Variants in TAF4B observed in about 807,000 individuals in gnomAD.
TAF4B encodes the protein transcription initiation factor TFIID subunit 4B.
Under a neutral mutation model 86.4 loss-of-function variants are expected in TAF4B, and 38 were observed. The ratio of observed to expected loss-of-function variants is 0.44; its 90% CI spans 0.34 to 0.58. The LOEUF is 0.58. TAF4B is among the 20% of genes least tolerant of loss of function. The pLI is 0.02. For synonymous variants in TAF4B, 388 were observed against 391.2 expected, an observed-to-expected ratio of 0.99 and a Z score of 0.10; for missense variants, 988 against 1,027.6, an observed-to-expected ratio of 0.96 and a Z score of 0.53.
At chr18:26,229,225 T>G (rs1028962338) in intron 1 of TAF4B, among the ~76,000 whole-genome samples, 4 of 152,152 alleles carry the variant, frequency 2.6e-5, no homozygotes, top group Admixed American at 6.5e-5. Flanking sequence ...TATTAAAACA[T>G]TGCATGCTAT....
intron 9 of TAF4B, among the ~76,000 whole-genome samples, chr18:26,296,091 A>G (rs1337203619): frequency 2.8e-5 from 4 of 145,386 alleles, no homozygotes; most frequent in African/African-American, 1.0e-4. Context: ...CCCTTTTTTT[A>G]CCCTTTATTT....
intron 9 of TAF4B, among the ~76,000 whole-genome samples, chr18:26,300,464 G>A (rs1262418983): frequency 1.0e-5 from 1 of 98,370 alleles, no homozygotes; most frequent in African/African-American, 3.0e-5. Context: ...ATTATAGGGT[G>A]TGTTTTTTTT....
chr18:26,336,364 C>T (rs566322417), intron 13 of TAF4B, among the ~76,000 whole-genome samples: 15 of 152,148 alleles, frequency 9.9e-5, no homozygotes, highest in Admixed American at 6.5e-4. Flanking sequence ...TATTTATGAA[C>T]GTTTTAAAGG....
intron 14 of TAF4B, among the ~76,000 whole-genome samples, chr18:26,387,725 C>G (rs1299774036): frequency 6.6e-6 from 1 of 152,128 alleles, no homozygotes; most frequent in African/African-American, 2.4e-5. Flanking sequence ...GCAGCTGAGA[C>G]CAATTTTTTT....
intron 14 of TAF4B, among the ~76,000 whole-genome samples, chr18:26,374,634 C>A (rs900592297): frequency 8.5e-5 from 13 of 152,126 alleles, no homozygotes; most frequent in African/African-American, 1.9e-4. Flanking sequence ...AACTGTATTA[C>A]CTTTTCATAG....
intron 9 of TAF4B, among the ~76,000 whole-genome samples, chr18:26,298,209 T>C (rs2056688137): frequency 6.6e-6 from 1 of 151,960 alleles, no homozygotes; most frequent in Non-Finnish European, 1.5e-5. Context: ...ACTGTTTTTG[T>C]TGTAATTAAT....
Position 26,273,359 on chromosome 18 carries a change from C to G in TAF4B, c.598-1304C>G, listed in dbSNP as rs140976726. Among the ~76,000 whole-genome samples, 306 of 152,024 alleles carry G rather than the reference C, an allele frequency of 2.0e-3. 1 individual carries two copies. The highest frequency in any genetic ancestry group is 7.2e-3 in the African/African-American group (297 of 41,448). On this transcript the variant is annotated intron_variant, in intron 3 of 14. Coordinates refer to ENST00000269142, the MANE Select transcript of TAF4B (RefSeq NM_005640.3). ...TATGGTATTTAATATTTTTATTATG[C>G]ATTATGAAATATACATGCAAACAAG... is the stretch of plus-strand genomic sequence containing the variant.
At chr18:26,276,730 T>G (rs1458654252) in intron 5 of TAF4B, among the ~76,000 whole-genome samples, 1 of 152,190 alleles carries the variant, frequency 6.6e-6, no homozygotes, top group East Asian at 1.9e-4. Context: ...ATTGAGCTTT[T>G]GATCTTCCCT....
chr18:26,346,873 A>ATATATGTGTGTG (rs1555623695), intron 13 of TAF4B, among the ~76,000 whole-genome samples: 14 of 12,298 alleles, frequency 1.1e-3, no homozygotes, highest in Admixed American at 2.1e-3. Context: ...ATATATATAT[A>ATATATGTGTGTG]TGTGTATATA....
rs118106282 is a variant in TAF4B at position 26,345,126 on chromosome 18, C to T, written c.2316+9895C>T. Among the ~76,000 whole-genome samples, 9 of 152,306 alleles carry T rather than the reference C, an allele frequency of 5.9e-5. No homozygotes were observed. In the East Asian group the frequency reaches 7.7e-4, roughly 13 times the overall value. On this transcript the variant is annotated intron_variant, in intron 13 of 14. Coordinates refer to ENST00000269142, the MANE Select transcript of TAF4B (RefSeq NM_005640.3). ...ACACCAAGATATGCCTGCTTGTACA[C>T]AGCCCTCCAGTGTCCTACCCCCTAC... is the stretch of plus-strand genomic sequence containing the variant.
intron 14 of TAF4B, among the ~76,000 whole-genome samples, chr18:26,363,009 G>C (rs2057342667): frequency 6.6e-6 from 1 of 152,082 alleles, no homozygotes; most frequent in Admixed American, 6.6e-5. Flanking sequence ...AAGTATACAG[G>C]AAGATATGCG....
At chr18:26,340,513 A>T (rs1433052856) in intron 13 of TAF4B, among the ~76,000 whole-genome samples, 2 of 152,194 alleles carry the variant, frequency 1.3e-5, no homozygotes, top group Non-Finnish European at 2.9e-5. Context: ...AGAGAAACAG[A>T]TTGAAAGGTT....
At chr18:26,306,176 T>C (rs1160721944) in intron 9 of TAF4B, among the ~76,000 whole-genome samples, 4 of 152,244 alleles carry the variant, frequency 2.6e-5, no homozygotes, top group African/African-American at 9.6e-5. Flanking sequence ...TTTTCTTTAA[T>C]GTTTTTAATG....
intron 9 of TAF4B, among the ~76,000 whole-genome samples, chr18:26,313,251 A>G (rs1269262333): frequency 1.3e-5 from 2 of 152,192 alleles, no homozygotes; most frequent in African/African-American, 2.4e-5. Flanking sequence ...TTTTGCAGTC[A>G]TCTGACTTTT....
intron 9 of TAF4B, among the ~76,000 whole-genome samples, chr18:26,306,608 A>T (rs2056797185): frequency 6.6e-6 from 1 of 152,138 alleles, no homozygotes; most frequent in Non-Finnish European, 1.5e-5. Flanking sequence ...TTATAATCTC[A>T]GCTATTTCTT....
chr18:26,369,140 C>T (rs1027969711), intron 14 of TAF4B, among the ~76,000 whole-genome samples: 3 of 151,648 alleles, frequency 2.0e-5, no homozygotes, highest in Admixed American at 6.6e-5. Flanking sequence ...CAAGGATCGC[C>T]AGATATTTGA....
chr18:26,386,429 A>G (rs560438706), intron 14 of TAF4B, among the ~76,000 whole-genome samples: 257 of 149,948 alleles, frequency 1.7e-3, no homozygotes, highest in Admixed American at 4.2e-3. Flanking sequence ...AATTTTTTTT[A>G]TTGAAATATA....
intron 2 of TAF4B, chr18:26,266,147 T>C (rs533046801): frequency 6.6e-6 from 1 of 152,258 alleles, no homozygotes; most frequent in East Asian, 1.9e-4. Context: ...AGTTTTGCTC[T>C]TGTTACCCAG....
At chr18:26,328,924 AC>A in intron 12 of TAF4B, among the ~76,000 whole-genome samples, 1 of 151,222 alleles carries the variant, frequency 6.6e-6, no homozygotes, top group African/African-American at 2.4e-5. Context: ...CCTTATCTGT[AC>A]CCTTTTCATT....
Sources: gnomAD v4.1 joint callset for allele counts (sites outside exome capture counted in the v4.1 genomes callset) on GRCh38, gnomAD v4.1.1 for gene constraint, MANE v1.5 for transcripts, NCBI Gene and HGNC (gene_info 2026-07-23, HGNC 2026-07-21) for gene names.